Variants in LRMDA observed in about 807,000 individuals in gnomAD.
LRMDA encodes the protein leucine rich melanocyte differentiation associated.
In LRMDA, 18 loss-of-function variants were observed where a neutral mutation model predicts 29.8. The ratio of observed to expected loss-of-function variants is 0.60; its 90% confidence interval spans 0.42 to 0.90. The LOEUF is 0.90. Among genes scored for constraint, LRMDA ranks in the 40% least tolerant of loss-of-function variants. LRMDA has a pLI of 0.00. For synonymous variants in LRMDA, 125 were observed against 109.4 expected (o/e 1.14, Z -0.89); for missense variants, 273 against 273.9 (o/e 1.00, Z 0.02).
At chr10:76,214,634 G>A (rs1156356989) in intron 5 of LRMDA, among the ~76,000 whole-genome samples, 3 of 152,056 alleles carry the variant, frequency 2.0e-5, no homozygotes, top group South Asian at 2.1e-4. Context: ...GTGAGCCACC[G>A]CGCCCGGCCG....
At chr10:75,896,788 C>T (rs1046787048) in intron 2 of LRMDA, among the ~76,000 whole-genome samples, 1 of 151,666 alleles carries the variant, frequency 6.6e-6, no homozygotes, top group African/African-American at 2.4e-5. Flanking sequence ...GAGGCATGGA[C>T]CTTGTTCCAC....
chr10:75,653,904 C>T (rs1841633572), intron 2 of LRMDA, among the ~76,000 whole-genome samples: 1 of 152,078 alleles, frequency 6.6e-6, no homozygotes, highest in Admixed American at 6.5e-5. Flanking sequence ...ACCCTTTTTC[C>T]ACGTCTCTCT....
At chr10:76,048,145 T>C (rs376147726) in intron 4 of LRMDA, among the ~76,000 whole-genome samples, 2 of 152,214 alleles carry the variant, frequency 1.3e-5, no homozygotes, top group South Asian at 4.1e-4. Context: ...ACACCCCACC[T>C]GAATCACTCT....
chr10:76,166,067 C>T (rs1224458200), intron 5 of LRMDA, among the ~76,000 whole-genome samples: 3 of 152,180 alleles, frequency 2.0e-5, no homozygotes, highest in African/African-American at 7.2e-5. Context: ...AGGCAGGATT[C>T]AGTGTCAGAT....
At chr10:75,997,319 T>C (rs1383726832) in intron 2 of LRMDA, among the ~76,000 whole-genome samples, 1 of 152,232 alleles carries the variant, frequency 6.6e-6, no homozygotes, top group Admixed American at 6.5e-5. Flanking sequence ...TTTACCCATG[T>C]TATAAATAGT....
chr10:76,037,489 T>G (rs1263792839), intron 3 of LRMDA, among the ~76,000 whole-genome samples: 1 of 152,254 alleles, frequency 6.6e-6, no homozygotes, highest in African/African-American at 2.4e-5. Context: ...AGCCATAAGT[T>G]AATGTTTTCT....
At chr10:75,845,236 T>C (rs1381561696) in intron 2 of LRMDA, among the ~76,000 whole-genome samples, 1 of 152,160 alleles carries the variant, frequency 6.6e-6, no homozygotes, top group Non-Finnish European at 1.5e-5. Flanking sequence ...CAATATTTTG[T>C]TTGCAGACGG....
At chr10:75,775,461 G>A (rs72809498) in intron 2 of LRMDA, among the ~76,000 whole-genome samples, 1,570 of 152,300 alleles carry the variant, frequency 0.01, 12 homozygotes, top group Non-Finnish European at 0.017. Context: ...AGAAATGAGC[G>A]ACAGCTTATT....
intron 2 of LRMDA, among the ~76,000 whole-genome samples, chr10:75,630,626 A>G (rs1395999821): frequency 6.6e-6 from 1 of 152,174 alleles, no homozygotes. Context: ...AAAATTTCCA[A>G]ATCTCTCTGT....
chr10:75,747,887 A>G (rs1842907826), intron 2 of LRMDA, among the ~76,000 whole-genome samples: 1 of 152,186 alleles, frequency 6.6e-6, no homozygotes, highest in Admixed American at 6.5e-5. Context: ...AATTTTTTTA[A>G]TAAAGTAAAA....
chr10:76,190,410 G>A (rs759577238), intron 5 of LRMDA, among the ~76,000 whole-genome samples: 1 of 152,144 alleles, frequency 6.6e-6, no homozygotes. Flanking sequence ...AGGCCACTTT[G>A]CCTCCAGTGG....
At chr10:76,462,862 T>C (rs2132309874) in intron 6 of LRMDA, among the ~76,000 whole-genome samples, 1 of 152,318 alleles carries the variant, frequency 6.6e-6, no homozygotes, top group South Asian at 2.1e-4. Flanking sequence ...AGAAAACACC[T>C]GTGTAGCTGC....
At chr10:75,688,224 G>A (rs1328308900) in intron 2 of LRMDA, among the ~76,000 whole-genome samples, 1 of 152,176 alleles carries the variant, frequency 6.6e-6, no homozygotes, top group Admixed American at 6.5e-5. Flanking sequence ...TGATGGATCT[G>A]TCAAAGTAAA....
At chr10:76,078,975 C>T (rs59426100) in intron 5 of LRMDA, among the ~76,000 whole-genome samples, 220 of 152,302 alleles carry the variant, frequency 1.4e-3, no homozygotes, top group African/African-American at 5.0e-3. Context: ...ATTCATCCAT[C>T]TTATATTTAC....
At chr10:75,432,739 G>T (rs1844216057) in intron 1 of LRMDA, among the ~76,000 whole-genome samples, 1 of 152,226 alleles carries the variant, frequency 6.6e-6, no homozygotes, top group East Asian at 1.9e-4. Flanking sequence ...GGAGATTCTA[G>T]GGGTTTTTAC....
intron 6 of LRMDA, among the ~76,000 whole-genome samples, chr10:76,477,621 T>C (rs1015568226): frequency 1.3e-5 from 2 of 152,164 alleles, no homozygotes; most frequent in East Asian, 3.9e-4. Flanking sequence ...AGAACAAAGC[T>C]GGAGGCATCA....
chr10:75,857,182 A>G (rs1366743116), intron 2 of LRMDA, among the ~76,000 whole-genome samples: 1 of 152,246 alleles, frequency 6.6e-6, no homozygotes, highest in Non-Finnish European at 1.5e-5. Context: ...ATTAAATAAC[A>G]GGGAAAAGTC....
intron 2 of LRMDA, among the ~76,000 whole-genome samples, chr10:75,500,893 C>T (rs960178845): frequency 2.6e-5 from 4 of 152,184 alleles, no homozygotes; most frequent in Non-Finnish European, 4.4e-5. Context: ...GGGACACAGA[C>T]CTAAAGCCTA....
intron 2 of LRMDA, chr10:75,782,836 T>C (rs1843407358): frequency 6.7e-7 from 1 of 1,490,854 alleles, no homozygotes; most frequent in Admixed American, 2.2e-5. Context: ...CCGGCGTGCA[T>C]GTGTTTTAGT....
Sources: allele counts gnomAD v4.1 joint callset (sites outside exome capture counted in the v4.1 genomes callset), GRCh38; gene constraint gnomAD v4.1.1; transcripts MANE v1.5; gene names NCBI Gene and HGNC (gene_info 2026-07-23, HGNC 2026-07-21).